The following WDPCP variants were observed in gnomAD, a reference collection of about 807,000 sequenced individuals.
WDPCP encodes WD repeat-containing and planar cell polarity effector protein fritz homolog.
WDPCP carries 71 observed loss-of-function variants against 93.1 expected under a neutral mutation model. The ratio of observed to expected loss-of-function variants is 0.76; its 90% CI spans 0.63 to 0.93. The LOEUF is 0.93. Among genes scored for constraint, WDPCP ranks in the 40% least tolerant of loss-of-function variants. WDPCP has a pLI of 0.00. For missense variants in WDPCP, 844 were observed against 887.4 expected, an observed-to-expected ratio of 0.95 and a Z score of 0.62; for synonymous variants, 315 against 315.0, an observed-to-expected ratio of 1.00 and a Z score of 0.00.
chr2:63,628,072 C>G (rs1187409042), intron 3 of WDPCP, among the ~76,000 whole-genome samples: 3 of 152,204 alleles, frequency 2.0e-5, no homozygotes, highest in Non-Finnish European at 4.4e-5. Flanking sequence ...CACCCGCCCA[C>G]CTGCGTGCTC....
chr2:63,146,409 T>G (rs1388754745), intron 17 of WDPCP, among the ~76,000 whole-genome samples: 1 of 118,472 alleles, frequency 8.4e-6, no homozygotes, highest in Non-Finnish European at 2.0e-5. Flanking sequence ...AGAGCGTGTT[T>G]TTTTTTTTTT....
chr2:63,197,022 AAAAG>A (rs1344625110), intron 14 of WDPCP, among the ~76,000 whole-genome samples: 1 of 152,202 alleles, frequency 6.6e-6, no homozygotes, highest in Non-Finnish European at 1.5e-5. Context: ...AGAGAAATGA[AAAAG>A]AAATAAACAA....
At chr2:63,751,102 T>A (rs1013997974) in intron 2 of WDPCP, among the ~76,000 whole-genome samples, 12 of 152,188 alleles carry the variant, frequency 7.9e-5, no homozygotes, top group Non-Finnish European at 1.8e-4. Context: ...AGATTTACAC[T>A]GTGGAATTTT....
intron 1 of WDPCP, among the ~76,000 whole-genome samples, chr2:63,499,107 A>G (rs1701394993): frequency 6.6e-6 from 1 of 152,226 alleles, no homozygotes; most frequent in Non-Finnish European, 1.5e-5. Context: ...CAAACACCAT[A>G]TAATCAGGGT....
At chr2:63,575,377 CAG>C (rs1491166606) in intron 1 of WDPCP, among the ~76,000 whole-genome samples, 10 of 127,942 alleles carry the variant, frequency 7.8e-5, no homozygotes, top group Admixed American at 1.7e-4. Context: ...ACAGTATATA[CAG>C]TATATACACG....
At chr2:63,433,608 T>C (rs1696922055) in intron 9 of WDPCP, 137 bp downstream of exon 9, 5 of 960,856 alleles carry the variant, frequency 5.2e-6, no homozygotes, top group East Asian at 2.7e-5. Flanking sequence ...GGGTATCTTC[T>C]AGATATGATA....
intron 9 of WDPCP, among the ~76,000 whole-genome samples, chr2:63,428,126 C>T (rs1332190496): frequency 6.6e-6 from 1 of 151,402 alleles, no homozygotes. Flanking sequence ...GATGGATTCA[C>T]AGCCGAATTC....
chr2:63,617,812 C>G (rs1709688821), intron 3 of WDPCP, among the ~76,000 whole-genome samples: 1 of 152,106 alleles, frequency 6.6e-6, no homozygotes, highest in Non-Finnish European at 1.5e-5. Context: ...TTCTCAATTT[C>G]TTTTAGCTCA....
At chr2:63,575,463 A>ACACTGTATATACAGTGTTATATACAGCG (rs1575683412) in intron 1 of WDPCP, among the ~76,000 whole-genome samples, 1 of 29,150 alleles carries the variant, frequency 3.4e-5, no homozygotes, top group Admixed American at 4.1e-4. Flanking sequence ...TATACAGTAT[A>ACACTGTATATACAGTGTTATATACAGCG]TATGCAGTAT....
In WDPCP at chr2:63,437,642, C is replaced by T. The variant is rs1259497240; in HGVS notation, c.500-88G>A. The T allele has an allele frequency of 3.2e-6, 4 of 1,261,008 alleles. No individual in the cohort carries two copies. In the South Asian group the frequency reaches 4.5e-5, roughly 14 times the overall value. The allele number at this position is 1,261,008 out of a possible 1,614,324, so 78.1% of individuals were successfully genotyped here. On this transcript the variant is annotated intron_variant, in intron 7 of 17. Coordinates refer to ENST00000272321, the MANE Select transcript of WDPCP (RefSeq NM_015910.7). The stretch of plus-strand genomic sequence containing the variant: ...TATGTTACAAAAAGCTATTTTCAAA[C>T]ATACATATTAACTGAAATCACTAAA...
chr2:63,816,332 T>C (rs898360207), intron 1 of WDPCP, among the ~76,000 whole-genome samples: 8 of 152,130 alleles, frequency 5.3e-5, no homozygotes, highest in Non-Finnish European at 8.8e-5. Flanking sequence ...GATATTATAG[T>C]AGGTTAAATA....
intron 12 of WDPCP, among the ~76,000 whole-genome samples, chr2:63,340,584 C>T (rs1382547161): frequency 1.3e-5 from 2 of 152,188 alleles, no homozygotes; most frequent in Non-Finnish European, 2.9e-5. Context: ...CCACCTTAAT[C>T]TTACTTTTTC....
chr2:63,412,763 C>T (rs1319105456), intron 9 of WDPCP, among the ~76,000 whole-genome samples: 2 of 145,270 alleles, frequency 1.4e-5, no homozygotes, highest in East Asian at 2.0e-4. Context: ...AAGAACTCAA[C>T]CCCTTTTATA....
Position 63,482,285 on chromosome 2 carries a change from T to A in WDPCP, c.384+2319A>T, listed in dbSNP as rs35736585. Among the ~76,000 whole-genome samples, 209 of 151,978 alleles carry A rather than the reference T, an allele frequency of 1.4e-3. 6 individuals are homozygous for A. In the East Asian group the frequency reaches 0.036, roughly 26 times the overall value. ...AAAATGACGTACATTAGCAGAGGAG[T>A]AGCCAAATTAAAAGACTGAGCGTCC... On this transcript the variant is annotated intron_variant, in intron 6 of 17. Coordinates refer to ENST00000272321, the MANE Select transcript of WDPCP (RefSeq NM_015910.7).
At chr2:63,716,854 A>G (rs1049598052) in intron 2 of WDPCP, among the ~76,000 whole-genome samples, 1 of 152,254 alleles carries the variant, frequency 6.6e-6, no homozygotes. Context: ...AGGCAAAGAA[A>G]CAACAAATAG....
At chr2:63,413,174 A>G (rs1695147771) in intron 9 of WDPCP, among the ~76,000 whole-genome samples, 1 of 152,236 alleles carries the variant, frequency 6.6e-6, no homozygotes, top group South Asian at 2.1e-4. Flanking sequence ...AAAAATATGC[A>G]CACAGGCCAA....
intron 14 of WDPCP, among the ~76,000 whole-genome samples, chr2:63,204,933 A>G (rs1233319728): frequency 1.3e-5 from 2 of 152,168 alleles, no homozygotes; most frequent in African/African-American, 4.8e-5. Flanking sequence ...ACCCAGACCA[A>G]TGCCCTGGAG....
chr2:63,381,154 G>A (rs1211854889), intron 11 of WDPCP, among the ~76,000 whole-genome samples: 1 of 152,056 alleles, frequency 6.6e-6, no homozygotes, highest in African/African-American at 2.4e-5. Flanking sequence ...ATGTTAGAAT[G>A]TTTAGGTGCA....
chr2:63,537,064 A>C (rs1326104596), intron 1 of WDPCP, among the ~76,000 whole-genome samples: 1 of 152,090 alleles, frequency 6.6e-6, no homozygotes, highest in East Asian at 1.9e-4. Flanking sequence ...TGTGGAGCCC[A>C]GCTCACCATT....
Sources: allele counts gnomAD v4.1 joint callset (sites outside exome capture counted in the v4.1 genomes callset), GRCh38; gene constraint gnomAD v4.1.1; transcripts MANE v1.5; gene names NCBI Gene and HGNC (gene_info 2026-07-23, HGNC 2026-07-21).